Variants in GSE1 observed in about 807,000 individuals in gnomAD.
GSE1 encodes Gse1 coiled-coil protein.
Under a neutral mutation model 112.6 loss-of-function variants are expected in GSE1, and 32 were observed. The observed-to-expected ratio is 0.28, with a 90% CI of 0.21 to 0.38. The LOEUF is 0.38. Ranked by LOEUF, GSE1 falls within the 10% of genes least tolerant of loss-of-function variation. GSE1 has a pLI of 1.00. For synonymous variants in GSE1, 1,115 were observed against 735.6 expected (o/e 1.52, Z -8.35); for missense variants, 2,348 against 1,699.2 (o/e 1.38, Z -6.71).
intron 1 of GSE1, among the ~76,000 whole-genome samples, chr16:85,574,077 GCCT>G (rs1216677823): frequency 6.6e-6 from 1 of 152,142 alleles, no homozygotes; most frequent in African/African-American, 2.4e-5. Context: ...GGGGCGCCAG[GCCT>G]CCCGTCTGGT....
intron 1 of GSE1, among the ~76,000 whole-genome samples, chr16:85,630,471 C>G (rs569268547): frequency 5.1e-4 from 77 of 152,244 alleles, no homozygotes; most frequent in African/African-American, 1.7e-3. Flanking sequence ...GCGGAGATTA[C>G]AGGTACGCAT....
chr16:85,659,700 C>T (rs1486589729), intron 8 of GSE1: 1 of 152,188 alleles, frequency 6.6e-6, no homozygotes, highest in Non-Finnish European at 1.5e-5. Flanking sequence ...AAAAACAATA[C>T]TAAAAATAGC....
intron 2 of GSE1, among the ~76,000 whole-genome samples, chr16:85,417,716 C>T (rs768120332): frequency 1.3e-5 from 2 of 152,252 alleles, no homozygotes; most frequent in Non-Finnish European, 2.9e-5. Context: ...AAGGCTAGAG[C>T]AGAGGATCTC....
upstream of GSE1, chr16:85,611,403 C>T (rs897023511): frequency 2.2e-5 from 21 of 937,390 alleles, no homozygotes; most frequent in Admixed American, 6.2e-5. Flanking sequence ...CCCGCGCGGC[C>T]GAGCCACCGT....
intron 1 of GSE1, among the ~76,000 whole-genome samples, chr16:85,220,507 A>G (rs1051189956): frequency 6.6e-6 from 1 of 152,252 alleles, no homozygotes; most frequent in Admixed American, 6.5e-5. Flanking sequence ...GCCCGCGGCC[A>G]GGAGCCTGGG....
chr16:85,401,692 T>C lies in GSE1; in HGVS notation c.2464+44049T>C, dbSNP rs553023951. On this transcript the variant is annotated intron_variant, in intron 2 of 2. Coordinates refer to the GSE1 transcript ENST00000637419. ...TGAGCCATATATAAGAGCTTCTAACTGCTGCTGAGTGTTTATTGAGCACCT... is the reference window on the plus strand; with the variant it reads ...TGAGCCATATATAAGAGCTTCTAACCGCTGCTGAGTGTTTATTGAGCACCT... Among the ~76,000 whole-genome samples the C allele has an allele frequency of 9.2e-5, 14 of 152,332 alleles. No homozygotes were observed. In the East Asian group the frequency reaches 2.7e-3, roughly 29 times the overall value.
intron 1 of GSE1, among the ~76,000 whole-genome samples, chr16:85,354,711 G>A (rs1476728546): frequency 1.3e-5 from 2 of 152,234 alleles, no homozygotes; most frequent in African/African-American, 4.8e-5. Context: ...GGCCCAGCAT[G>A]ACCGGGTGCT....
upstream of GSE1, among the ~76,000 whole-genome samples, chr16:85,612,533 C>T (rs908163469): frequency 1.4e-4 from 22 of 152,142 alleles, no homozygotes; most frequent in Non-Finnish European, 4.4e-5. Flanking sequence ...TCCGTGGGTT[C>T]TCCAGCCCCT....
intron 9 of GSE1, among the ~76,000 whole-genome samples, chr16:85,662,027 T>G (rs539643895): frequency 6.6e-6 from 1 of 152,194 alleles, no homozygotes; most frequent in South Asian, 2.1e-4. Flanking sequence ...TGAAGATAGT[T>G]CCGCAGACAA....
chr16:85,618,651 A>G (rs569332719), intron 1 of GSE1, among the ~76,000 whole-genome samples: 4 of 152,136 alleles, frequency 2.6e-5, no homozygotes, highest in Non-Finnish European at 5.9e-5. Flanking sequence ...CCTTGCGGCT[A>G]CTCCTGTTGC....
At chr16:85,466,460 G>T (rs1321036191) in intron 2 of GSE1, among the ~76,000 whole-genome samples, 1 of 152,188 alleles carries the variant, frequency 6.6e-6, no homozygotes, top group Non-Finnish European at 1.5e-5. Context: ...GCCTCAGAGG[G>T]GCCCTCCTGG....
chr16:85,600,665 A>G (rs1206576570), intron 1 of GSE1, among the ~76,000 whole-genome samples: 1 of 151,774 alleles, frequency 6.6e-6, no homozygotes. Flanking sequence ...CACTCCAGCT[A>G]TGAAGAGGGG....
intron 2 of GSE1, among the ~76,000 whole-genome samples, chr16:85,515,433 C>T (rs2051896849): frequency 6.6e-6 from 1 of 152,224 alleles, no homozygotes; most frequent in African/African-American, 2.4e-5. Flanking sequence ...GCTTCTTTAG[C>T]TTCGGGGCCT....
intron 2 of GSE1, among the ~76,000 whole-genome samples, chr16:85,417,348 C>A (rs530701895): frequency 6.6e-6 from 1 of 152,210 alleles, no homozygotes; most frequent in East Asian, 1.9e-4. Context: ...ACATCACCCC[C>A]GGCTGACCAC....
intron 1 of GSE1, among the ~76,000 whole-genome samples, chr16:85,309,848 G>T (rs376216752): frequency 4.6e-5 from 7 of 152,254 alleles, no homozygotes; most frequent in Non-Finnish European, 1.0e-4. Context: ...CATTGTGCCC[G>T]CAGCAGCTGA....
intron 2 of GSE1, among the ~76,000 whole-genome samples, chr16:85,388,634 A>T (rs929440477): frequency 5.5e-5 from 7 of 127,808 alleles, no homozygotes; most frequent in African/African-American, 1.8e-4. Flanking sequence ...ATGGATACAT[A>T]GGTGTGTGGG....
At chr16:85,541,209 G>T (rs1217507498) in intron 2 of GSE1, among the ~76,000 whole-genome samples, 7 of 152,246 alleles carry the variant, frequency 4.6e-5, no homozygotes, top group Non-Finnish European at 1.0e-4. Flanking sequence ...GGCCAAGGCT[G>T]GGATGGTGAG....
intron 1 of GSE1, among the ~76,000 whole-genome samples, chr16:85,557,781 A>T (rs552390933): frequency 6.6e-6 from 1 of 151,410 alleles, no homozygotes; most frequent in South Asian, 2.1e-4. Context: ...CTGACTTAAA[A>T]AAAAAAAAAA....
chr16:85,492,384 C>A (rs1022591718), intron 2 of GSE1, among the ~76,000 whole-genome samples: 4 of 152,198 alleles, frequency 2.6e-5, no homozygotes, highest in Non-Finnish European at 5.9e-5. Flanking sequence ...ATCCCCTCCC[C>A]CTTGCTGCAC....
Sources: gnomAD v4.1 joint callset for allele counts (sites outside exome capture counted in the v4.1 genomes callset) on GRCh38, gnomAD v4.1.1 for gene constraint, MANE v1.5 for transcripts, NCBI Gene and HGNC (gene_info 2026-07-23, HGNC 2026-07-21) for gene names.